Variants in CSMD1 observed in about 807,000 individuals in gnomAD.
CSMD1 encodes CUB and Sushi multiple domains 1, also known as CUB and sushi domain-containing protein 1.
In CSMD1, 213 loss-of-function variants were observed where a neutral mutation model predicts 417.5. That is an observed-to-expected ratio of 0.51 (90% CI 0.46 to 0.57). The LOEUF (loss-of-function observed/expected upper bound fraction) is 0.57, where lower values mean the gene tolerates loss of function less well. Ranked by LOEUF, CSMD1 falls within the 20% of genes least tolerant of loss-of-function variation. CSMD1 has a pLI of 0.00. For synonymous variants in CSMD1, 2,862 were observed against 1,736.8 expected (o/e 1.65, Z -16.11); for missense variants, 6,923 against 4,529.7 (o/e 1.53, Z -15.17).
chr8:3,733,243 C>G (rs1403775254), intron 6 of CSMD1, among the ~76,000 whole-genome samples: 1 of 129,442 alleles, frequency 7.7e-6, no homozygotes, highest in East Asian at 2.7e-4. Context: ...ATATATTACA[C>G]ATATTAATAT....
At position 3,413,802 on chromosome 8, in the gene CSMD1, C is replaced by T. The variant is rs1812960760; in HGVS notation, c.1562-4197G>A. 1.3e-5 allele frequency among the ~76,000 whole-genome samples: 2 copies of T among 152,024 alleles called. 1 individual carries two copies. The highest frequency in any genetic ancestry group is 4.1e-4 in the South Asian group (2 of 4,830). ...ATGATACAGTATGTGTGTCAAACCC[C>T]CTTCTCTCTATGTCAGAGACGATTT... On this transcript the variant is annotated intron_variant, in intron 12 of 69. Coordinates refer to ENST00000635120, the MANE Select transcript of CSMD1 (RefSeq NM_033225.6).
chr8:4,189,996 C>G (rs931611125), intron 3 of CSMD1, among the ~76,000 whole-genome samples: 2 of 151,556 alleles, frequency 1.3e-5, no homozygotes, highest in African/African-American at 4.8e-5. Context: ...TGGTGGCTCA[C>G]GCCTGAAATC....
At chr8:3,245,212 G>C (rs1204945011) in intron 26 of CSMD1, among the ~76,000 whole-genome samples, 1 of 152,160 alleles carries the variant, frequency 6.6e-6, no homozygotes, top group African/African-American at 2.4e-5. Flanking sequence ...CAAAACCTTA[G>C]TAGTTGTCCT....
At chr8:4,799,550 G>C (rs1320268472) in intron 1 of CSMD1, among the ~76,000 whole-genome samples, 2 of 121,868 alleles carry the variant, frequency 1.6e-5, no homozygotes, top group Non-Finnish European at 3.2e-5. Flanking sequence ...AGTGAGCTGA[G>C]ATTGCACCAC....
intron 2 of CSMD1, among the ~76,000 whole-genome samples, chr8:4,508,146 G>C (rs1385354813): frequency 2.7e-5 from 3 of 109,292 alleles, no homozygotes; most frequent in Non-Finnish European, 5.3e-5. Context: ...GTAGGAGGCA[G>C]GGGAAGAGGT....
At position 3,288,153 on chromosome 8, in the gene CSMD1, C is replaced by T. The variant is rs576663561; in HGVS notation, c.3951-3807G>A. ...AAGCCATGCATCCCAGGGATGAAGC[C>T]CACTTGATCATTGTGGATAAGCTTT... On this transcript the variant is annotated intron_variant, in intron 25 of 69. Coordinates refer to ENST00000635120, the MANE Select transcript of CSMD1 (RefSeq NM_033225.6). 1.4e-5 allele frequency among the ~76,000 whole-genome samples: 2 copies of T among 147,354 alleles called. 1 individual carries two copies. Among genetic ancestry groups the T allele is most frequent in the African/African-American group, 5.4e-5 (2 of 37,162 alleles).
At chr8:4,027,640 C>T (rs546377701) in intron 4 of CSMD1, among the ~76,000 whole-genome samples, 1 of 152,244 alleles carries the variant, frequency 6.6e-6, no homozygotes, top group African/African-American at 2.4e-5. Context: ...TATAAATTAC[C>T]CAGTCTCAGG....
intron 5 of CSMD1, among the ~76,000 whole-genome samples, chr8:3,984,739 ATATATATATATATT>A (rs1175863316): frequency 0.019 from 2,049 of 109,712 alleles, 77 homozygotes; most frequent in African/African-American, 0.027. Context: ...ATATATATAT[ATATATATATATATT>A]TGTATGTATT....
chr8:4,624,645 G>A (rs909257489), intron 2 of CSMD1, among the ~76,000 whole-genome samples: 3 of 152,068 alleles, frequency 2.0e-5, no homozygotes, highest in Admixed American at 6.6e-5. Flanking sequence ...ACGGTGGGTC[G>A]GTGCCCAGCA....
At chr8:3,537,116 G>A (rs530804170) in intron 10 of CSMD1, among the ~76,000 whole-genome samples, 1 of 151,954 alleles carries the variant, frequency 6.6e-6, no homozygotes, top group African/African-American at 2.4e-5. Flanking sequence ...CAATTCCCCT[G>A]CCTCAGCCTC....
intron 2 of CSMD1, among the ~76,000 whole-genome samples, chr8:4,634,327 G>T (rs1438425677): frequency 6.6e-6 from 1 of 152,042 alleles, no homozygotes; most frequent in Non-Finnish European, 1.5e-5. Flanking sequence ...TAATTCTAAA[G>T]TATATATTCT....
intron 30 of CSMD1, among the ~76,000 whole-genome samples, chr8:3,214,274 G>A (rs762360533): frequency 2.0e-5 from 3 of 152,066 alleles, no homozygotes; most frequent in Non-Finnish European, 4.4e-5. Context: ...CTGTACGAGC[G>A]AAGGAAAAAT....
In CSMD1 at chr8:3,415,232, ATTACC is replaced by A. The variant is rs1299413518; in HGVS notation, c.1562-5632_1562-5628del. Among the ~76,000 whole-genome samples the A allele has an allele frequency of 3.3e-5, 5 of 152,262 alleles. No individual in the cohort carries two copies. In the East Asian group the frequency reaches 9.7e-4, roughly 30 times the overall value. On this transcript the variant is annotated intron_variant, in intron 12 of 69. Coordinates refer to ENST00000635120, the MANE Select transcript of CSMD1 (RefSeq NM_033225.6). The stretch of plus-strand genomic sequence containing the variant: ...CTAAGCAAAGCTAATTAATATACTA[ATTACC>A]TTACATACTTCTGATTTTTTTCTTG...
chr8:3,524,258 CACAAGCACACACACACGCACATAT>C (rs1797656148), intron 10 of CSMD1, among the ~76,000 whole-genome samples: 1 of 151,102 alleles, frequency 6.6e-6, no homozygotes, highest in South Asian at 2.1e-4. Context: ...GAGACATACA[CACAAGCACACACACACGCACATAT>C]ACATGCACAC....
chr8:4,274,938 T>G (rs531383493), intron 3 of CSMD1, among the ~76,000 whole-genome samples: 1 of 152,186 alleles, frequency 6.6e-6, no homozygotes, highest in Admixed American at 6.5e-5. Flanking sequence ...ATTCATATTT[T>G]CTTGAGAGCC....
At chr8:3,958,763 T>A (rs1812135083) in intron 5 of CSMD1, among the ~76,000 whole-genome samples, 1 of 152,196 alleles carries the variant, frequency 6.6e-6, no homozygotes, top group South Asian at 2.1e-4. Context: ...AAAGCACCCT[T>A]CTGTCCAGTT....
chr8:4,040,673 G>A (rs570754343), intron 3 of CSMD1, among the ~76,000 whole-genome samples: 2 of 151,956 alleles, frequency 1.3e-5, no homozygotes, highest in African/African-American at 4.8e-5. Flanking sequence ...TAAAAAACAT[G>A]TTTCAAGCTC....
intron 5 of CSMD1, among the ~76,000 whole-genome samples, chr8:3,890,126 T>C (rs1806858508): frequency 6.6e-6 from 1 of 152,126 alleles, no homozygotes; most frequent in Non-Finnish European, 1.5e-5. Context: ...ACTTTGATAG[T>C]TTATTATTGG....
intron 47 of CSMD1, among the ~76,000 whole-genome samples, chr8:3,093,754 G>A (rs987704450): frequency 2.6e-4 from 40 of 152,016 alleles, no homozygotes; most frequent in Non-Finnish European, 7.4e-5. Context: ...ACAAACAAAC[G>A]AACAAAAAAC....
Sources: gnomAD v4.1 joint callset for allele counts (sites outside exome capture counted in the v4.1 genomes callset) on GRCh38, gnomAD v4.1.1 for gene constraint, MANE v1.5 for transcripts, NCBI Gene and HGNC (gene_info 2026-07-23, HGNC 2026-07-21) for gene names.